PRRG3: variants seen among roughly 807,000 people sequenced by gnomAD.
PRRG3 encodes the protein transmembrane gamma-carboxyglutamic acid protein 3.
In PRRG3, 21 loss-of-function variants were observed where a neutral mutation model predicts 15.8. The ratio of observed to expected loss-of-function variants is 1.33; its 90% confidence interval spans 0.94 to 1.92. PRRG3 has a LOEUF of 1.92. Ranked by LOEUF, PRRG3 falls within the 40% of genes most tolerant of loss-of-function variation. The pLI, the probability that PRRG3 is intolerant of heterozygous loss-of-function variation, is 0.00. For missense variants in PRRG3, 251 were observed against 200.2 expected, an observed-to-expected ratio of 1.25 and a Z score of -1.53; for synonymous variants, 125 against 84.1, an observed-to-expected ratio of 1.49 and a Z score of -2.66.
intron 3 of PRRG3, 164 bp from the exon 4 acceptor site, chrX:151,700,342 T>C: frequency 8.7e-7 from 1 of 1,145,755 alleles, no homozygotes; most frequent in Non-Finnish European, 1.2e-6. Context: ...GGGGTCCTCC[T>C]CACTTGGGAG....
At chrX:151,700,302 G>T in intron 3 of PRRG3, 146 bp downstream of exon 3, 1 of 1,159,999 alleles carries the variant, frequency 8.6e-7, no homozygotes, top group South Asian at 2.0e-5. Context: ...AGCAGATAAA[G>T]TACGTACAGT....
chrX:151,700,421 A>G (rs778895712), intron 3 of PRRG3, 85 bp from the exon 4 acceptor site: 1 of 1,118,903 alleles, frequency 8.9e-7, no homozygotes, highest in East Asian at 3.0e-5. Flanking sequence ...CAGATGGGGA[A>G]GGGTAGGAAG....
intron 3 of PRRG3, 50 bp downstream of exon 3, chrX:151,700,206 T>C (rs748532371): frequency 1.7e-5 from 20 of 1,208,703 alleles, no homozygotes; most frequent in Non-Finnish European, 2.1e-5. Context: ...GCCTCAGGAA[T>C]AGCAAGAACA....
intron 1 of PRRG3, among the ~76,000 whole-genome samples, chrX:151,696,385 G>A (rs2014760784): frequency 2.7e-5 from 3 of 110,444 alleles, no homozygotes; most frequent in African/African-American, 9.9e-5. Context: ...AATGGAGTGG[G>A]CCATGCCATG....
At position 151,703,028 on chromosome X, in the gene PRRG3, C is replaced by T. The variant is rs144236101; in HGVS notation, c.*1995C>T. 1.4e-4 allele frequency: 16 copies of T among 112,763 alleles called. No homozygotes were observed. Among genetic ancestry groups the T allele is most frequent in the African/African-American group, 3.9e-4 (12 of 31,049 alleles). 9.3% of individuals were successfully genotyped at this position (112,763 alleles called of 1,213,427 possible). A position where few individuals can be genotyped will look rare whatever the true frequency, so the allele number is the denominator to read the frequency against. ...AGCACAGAGCCAGGCATGAGCTCCA[C>T]TGATCAGAGCCAAAGGGAGTTTGCC... On this transcript the variant is annotated 3_prime_UTR_variant, in exon 4 of 4. Transcript: ENST00000674457.
chrX:151,697,716 C>T (rs2014791837), intron 1 of PRRG3, among the ~76,000 whole-genome samples: 1 of 108,530 alleles, frequency 9.2e-6, no homozygotes, highest in South Asian at 4.1e-4. Context: ...TCCAGTTAGT[C>T]ATCAAACCAG....
In PRRG3 at chrX:151,700,089, G is replaced by A. The variant is rs372282751; in HGVS notation, c.101G>A (p.Arg34Gln). 6.6e-6 allele frequency: 8 copies of A among 1,210,432 alleles called. No individual in the cohort carries two copies. Among genetic ancestry groups the A allele is most frequent in the African/African-American group, 1.7e-5 (1 of 57,279 alleles). The change falls in exon 3 of 4, where the codon CGA becomes CAA. Residue 34 changes from arginine to glutamine, a missense_variant. Physicochemically the swap from Arg to Gln is conservative, Grantham distance 43. Transcript: ENST00000674457. ...LEELRQGTIE[R>Q]ECMEEICSYE... ...GAGCTGCGCCAGGGCACCATCGAGC[G>A]AGAGTGCATGGAGGAGATCTGCAGC...
chrX:151,698,551 A>C (rs777975747), intron 1 of PRRG3: 7 of 289,427 alleles, frequency 2.4e-5, no homozygotes, highest in Non-Finnish European at 4.2e-5. Context: ...AAAACGCTGA[A>C]AGGTTTGCTT....
upstream of PRRG3, among the ~76,000 whole-genome samples, chrX:151,694,681 G>C (rs2014723486): frequency 1.0e-5 from 1 of 95,883 alleles, no homozygotes; most frequent in African/African-American, 3.5e-5. Context: ...GGCAGGCCTA[G>C]GTTGCAGGCT....
rs990079819 is a variant in PRRG3, at chrX:151,705,422, C to A, written c.*4389C>A. ...ATAGCACACCCTCTCAAGCTCAATG[C>A]CTCAACAGTTGTTTCACTGTACTGA... On this transcript the variant is annotated 3_prime_UTR_variant, in exon 4 of 4. Transcript: ENST00000674457. 2.9e-6 allele frequency: 1 copy of A among 342,066 alleles called. No individual in the cohort carries two copies. The highest frequency in any genetic ancestry group is 3.1e-5 in the Admixed American group (1 of 32,194). 28.2% of individuals were successfully genotyped at this position (342,066 alleles called of 1,213,427 possible).
At chrX:151,697,098 C>CCTTCCTTCCTTCCTT (rs1569421537) in intron 1 of PRRG3, among the ~76,000 whole-genome samples, 1 of 41,093 alleles carries the variant, frequency 2.4e-5, no homozygotes, top group African/African-American at 1.6e-4. Context: ...CTTCCTTCCT[C>CCTTCCTTCCTTCCTT]CCTCCCTCCC....
In PRRG3 at chrX:151,702,020, C is replaced by T. The variant is rs1160808843; in HGVS notation, c.*987C>T. On this transcript the variant is annotated 3_prime_UTR_variant, in exon 4 of 4. Coordinates refer to ENST00000674457, the MANE Select transcript of PRRG3 (RefSeq NM_001372163.1). Reference sequence around the variant, plus strand: ...GTTGAAGGCCCATATGGGGTTTGCTCTGCTGTTGCCAGGTGCCAGTCTGTT... The same window carrying T: ...GTTGAAGGCCCATATGGGGTTTGCTTTGCTGTTGCCAGGTGCCAGTCTGTT... 1 of 112,171 alleles carries T rather than the reference C, an allele frequency of 8.9e-6. No individual in the cohort carries two copies. Among genetic ancestry groups the T allele is most frequent in the Non-Finnish European group, 1.9e-5 (1 of 53,250 alleles). 9.2% of individuals were successfully genotyped at this position (112,171 alleles called of 1,213,427 possible).
chrX:151,698,618 G>T, intron 1 of PRRG3, 166 bp from the exon 2 acceptor site: 1 of 366,836 alleles, frequency 2.7e-6, no homozygotes, highest in Non-Finnish European at 4.7e-6. Flanking sequence ...AGAATGAGAA[G>T]CAGCGGAAGC....
chrX:151,698,599 G>A (rs760920576), intron 1 of PRRG3, 185 bp from the exon 2 acceptor site: 1 of 355,831 alleles, frequency 2.8e-6, no homozygotes, highest in African/African-American at 2.6e-5. Context: ...CTGGAGAAGA[G>A]CTTGGGGCAG....
In PRRG3 at chrX:151,701,186, C is replaced by T; in HGVS notation, c.*153C>T. 2.0e-6 allele frequency: 1 copy of T among 500,206 alleles called. No individual in the cohort carries two copies. Among genetic ancestry groups the T allele is most frequent in the Non-Finnish European group, 2.9e-6 (1 of 343,649 alleles). 41.2% of individuals were successfully genotyped at this position (500,206 alleles called of 1,213,427 possible). ...TGTGGAGTTTTAGGAAGTCAGTTGT[C>T]AGAGACAGGTGGGGAGGGTGGGGGT... On this transcript the variant is annotated 3_prime_UTR_variant, in exon 4 of 4. Transcript: ENST00000674457.
chrX:151,700,758 A>T lies in PRRG3; in HGVS notation c.421A>T (p.Ser141Cys), dbSNP rs143962455. The change falls in exon 4 of 4, where the codon AGC (serine) becomes TGC (cysteine). Residue 141 changes from serine to cysteine, a missense_variant. Transcript: ENST00000674457. Reference protein sequence around the residue: ...RVMVYRGTVHSQGEPSGHREA... With the variant: ...RVMVYRGTVHCQGEPSGHREA... ...CATGGTGTACCGGGGTACTGTGCAT[A>T]GCCAAGGGGAGCCTTCTGGGCACCG... 4.2e-6 allele frequency: 5 copies of T among 1,199,421 alleles called. No individual in the cohort carries two copies. The African/African-American group carries it at 7.1e-5, about 17-fold the overall frequency.
In PRRG3 at chrX:151,705,224, TTAAAC is replaced by T. The variant is rs1410211560; in HGVS notation, c.*4195_*4199del. 8 of 331,293 alleles carry T rather than the reference TTAAAC, an allele frequency of 2.4e-5. No individual in the cohort carries two copies. The highest frequency in any genetic ancestry group is 1.6e-4 in the African/African-American group (6 of 37,400). The allele number at this position is 331,293 out of a possible 1,213,427, so 27.3% of individuals were successfully genotyped here. On this transcript the variant is annotated 3_prime_UTR_variant, in exon 4 of 4. Transcript: ENST00000674457. ...CATAGTTTGTGAACTAGACTGCAAT[TTAAAC>T]TAATACACATGATGTATCTTTCTAA...
At chrX:151,698,564 G>A in intron 1 of PRRG3, 1 of 308,284 alleles carries the variant, frequency 3.2e-6, no homozygotes, top group Non-Finnish European at 5.7e-6. Context: ...GTTTGCTTTG[G>A]GCCCTACTGG....
intron 2 of PRRG3, among the ~76,000 whole-genome samples, chrX:151,699,567 A>G (rs1487567978): frequency 8.9e-6 from 1 of 112,881 alleles, no homozygotes; most frequent in East Asian, 2.8e-4. Context: ...TAGTTCCACC[A>G]GTATCAGCCT....
Sources: allele counts gnomAD v4.1 joint callset (sites outside exome capture counted in the v4.1 genomes callset), GRCh38; gene constraint gnomAD v4.1.1; transcripts MANE v1.5; gene names NCBI Gene and HGNC (gene_info 2026-07-23, HGNC 2026-07-21).